The following MYSM1 variants were observed in gnomAD, a reference collection of about 807,000 sequenced individuals.
MYSM1 encodes deubiquitinase MYSM1.
In MYSM1, 51 loss-of-function variants were observed where a neutral mutation model predicts 116.0. The observed-to-expected ratio is 0.44, with a 90% CI of 0.35 to 0.56. MYSM1 has a LOEUF of 0.56. MYSM1 is among the 20% of genes least tolerant of loss of function. The pLI, the probability that MYSM1 is intolerant of heterozygous loss-of-function variation, is 0.00. For missense variants in MYSM1, 900 were observed against 974.9 expected (o/e 0.92, Z 1.02); for synonymous variants, 313 against 315.2 (o/e 0.99, Z 0.07).
In MYSM1 at chr1:58,696,921, G is replaced by C. The variant is rs976807505; in HGVS notation, c.69-1714C>G. Among the ~76,000 whole-genome samples the C allele has an allele frequency of 3.9e-5, 6 of 152,312 alleles. No individual in the cohort carries two copies. In the East Asian group the frequency reaches 5.8e-4, roughly 15 times the overall value. ...ATTTTATCAAAAAACCAACTGGGGA[G>C]TGAAGAGAATAATATGATCAGATCT... is the stretch of plus-strand genomic sequence containing the variant. On this transcript the variant is annotated intron_variant, in intron 1 of 19. Transcript: ENST00000472487.
intron 17 of MYSM1, among the ~76,000 whole-genome samples, chr1:58,664,938 C>T (rs1644445807): frequency 6.6e-6 from 1 of 152,190 alleles, no homozygotes; most frequent in Admixed American, 6.5e-5. Flanking sequence ...GTCTGCTATA[C>T]TAACTCCCTA....
In MYSM1 at chr1:58,699,633, G is replaced by C. The variant is rs1219953243; in HGVS notation, c.68+352C>G. On this transcript the variant is annotated intron_variant, in intron 1 of 19. Coordinates refer to ENST00000472487, the MANE Select transcript of MYSM1 (RefSeq NM_001085487.3). ...ACAAGAGTCCCTGACCTCAGGTCTC[G>C]TCCGTAGCCGCTCTTGTTCTAGTTA... 4.1e-6 allele frequency: 4 copies of C among 985,268 alleles called. No homozygotes were observed. The African/African-American group carries it at 7.0e-5, about 17-fold the overall frequency. The allele number at this position is 985,268 out of a possible 1,614,324, so 61.0% of individuals were successfully genotyped here.
chr1:58,680,993 T>C (rs570159950), intron 8 of MYSM1, among the ~76,000 whole-genome samples: 82 of 151,882 alleles, frequency 5.4e-4, no homozygotes, highest in Non-Finnish European at 9.9e-4. Flanking sequence ...AGCTAATATA[T>C]ATATATAGTT....
At position 58,681,951 on chromosome 1, in the gene MYSM1, C is replaced by T; in HGVS notation, c.1093G>A (p.Glu365Lys). The T allele has an allele frequency of 6.2e-7, 1 of 1,614,096 alleles. No individual in the cohort carries two copies. The highest frequency in any genetic ancestry group is 8.5e-7 in the Non-Finnish European group (1 of 1,180,020). Residue 365 changes from glutamate to lysine, a missense_variant, in exon 8 of 20, where the codon GAA becomes AAA. This residue lies in a region of MYSM1 where 622 missense variants were observed against 623.7 expected (regional missense o/e 1.00). Transcript: ENST00000472487. ...MLFHSCQMVE[E>K]SHEEEELKPP... is the part of the protein sequence containing the mutation. Reference sequence around the variant, plus strand: ...TTAAGCTCTTCTTCCTCATGGCTTTCCTCTACCATTTGGCAAGAATGAAAA... The same window carrying T: ...TTAAGCTCTTCTTCCTCATGGCTTTTCTCTACCATTTGGCAAGAATGAAAA...
chr1:58,699,849 A>C, intron 1 of MYSM1, 136 bp downstream of exon 1: 2 of 1,441,908 alleles, frequency 1.4e-6, no homozygotes, highest in South Asian at 2.9e-5. Context: ...GGTGCCTCCC[A>C]GGCCAACAAG....
At chr1:58,661,582 T>C in intron 17 of MYSM1, 71 bp from the exon 18 acceptor site, 1 of 847,994 alleles carries the variant, frequency 1.2e-6, no homozygotes, top group East Asian at 2.5e-5. Context: ...TAATTATACT[T>C]AAAATTCCCT....
chr1:58,666,967 G>T, intron 16 of MYSM1, 71 bp downstream of exon 16: 1 of 680,386 alleles, frequency 1.5e-6, no homozygotes, highest in Non-Finnish European at 2.2e-6. Context: ...AATGTTTAAA[G>T]TTTATCTATT....
chr1:58,663,017 T>C (rs1289726945), intron 17 of MYSM1, among the ~76,000 whole-genome samples: 1 of 152,170 alleles, frequency 6.6e-6, no homozygotes, highest in African/African-American at 2.4e-5. Context: ...TGACACACCT[T>C]ACAACCATAT....
At chr1:58,660,673 A>G (rs1644377787) in intron 19 of MYSM1, among the ~76,000 whole-genome samples, 1 of 152,120 alleles carries the variant, frequency 6.6e-6, no homozygotes, top group Non-Finnish European at 1.5e-5. Context: ...TCTATCCCCA[A>G]TTGCTATTTA....
intron 3 of MYSM1, 107 bp downstream of exon 3, chr1:58,692,754 G>A: frequency 1.4e-6 from 1 of 710,344 alleles, no homozygotes. Context: ...TAGCAGTCTG[G>A]TGCTGTATAA....
chr1:58,690,607 G>A (rs549579364), intron 3 of MYSM1, among the ~76,000 whole-genome samples, 190 bp from the exon 4 acceptor site: 1 of 151,900 alleles, frequency 6.6e-6, no homozygotes, highest in East Asian at 1.9e-4. Context: ...GCTACATGTG[G>A]CCCAGGACGG....
At chr1:58,672,466 CAAT>C (rs941452664) in intron 11 of MYSM1, among the ~76,000 whole-genome samples, 2 of 151,980 alleles carry the variant, frequency 1.3e-5, no homozygotes, top group Non-Finnish European at 2.9e-5. Flanking sequence ...AAAAAGTAAA[CAAT>C]AATACCACTG....
rs767663219 is a variant in MYSM1 at position 58,682,339 on chromosome 1, T to C, written c.705A>G (p.Gln235=). The change falls in exon 8 of 20, where the codon CAA becomes CAG. Residue 235 remains glutamine (Q), a synonymous_variant. Coordinates refer to ENST00000472487, the MANE Select transcript of MYSM1 (RefSeq NM_001085487.3). ...ITDEVDELSS[Q]TPQKNSSSDL... ...CACTGCTAGAATTCTTCTGGGGTGT[T>C]TGAGAAGACAACTCGTCCACCTCAT... 14 of 1,614,112 alleles carry C rather than the reference T, an allele frequency of 8.7e-6. No individual in the cohort carries two copies. The highest frequency in any genetic ancestry group is 4.4e-5 in the South Asian group (4 of 91,076).
chr1:58,682,354 G>A lies in MYSM1; in HGVS notation c.690C>T (p.Asp230=), dbSNP rs200772834. 2.2e-5 allele frequency: 35 copies of A among 1,614,044 alleles called. No individual in the cohort carries two copies. The highest frequency in any genetic ancestry group is 7.7e-5 in the South Asian group (7 of 91,080). Residue 230 remains aspartate (D), a synonymous_variant, in exon 8 of 20, where the codon GAC becomes GAT. Transcript: ENST00000472487. ...DEEVDITDEV[D]ELSSQTPQKN... ...TCTGGGGTGTTTGAGAAGACAACTC[G>A]TCCACCTCATCTGTGATGTCTACTT...
intron 12 of MYSM1, 140 bp from the exon 13 acceptor site, chr1:58,669,178 C>A: frequency 1.7e-6 from 1 of 605,622 alleles, no homozygotes; most frequent in Non-Finnish European, 2.8e-6. Context: ...ATTCCATAAA[C>A]CCTTTCGAAA....
At chr1:58,686,456 A>ACT (rs1455361763) in intron 6 of MYSM1, among the ~76,000 whole-genome samples, 1 of 152,228 alleles carries the variant, frequency 6.6e-6, no homozygotes, top group Non-Finnish European at 1.5e-5. Context: ...CAACTTAGGA[A>ACT]AAGTTTTGTC....
Position 58,660,274 on chromosome 1 carries a change from CT to C in MYSM1, c.2329-120del, listed in dbSNP as rs1644371940. ...TCCTAATGCTCAAATGAGAAACACT[CT>C]CCTTAAAAATGGTTGAAGATTAACT... On this transcript the variant is annotated intron_variant, in intron 19 of 19. Transcript: ENST00000472487. 7.1e-6 allele frequency: 4 copies of C among 565,686 alleles called. No homozygotes were observed. The East Asian group carries it at 1.3e-4, about 18-fold the overall frequency. The allele number at this position is 565,686 out of a possible 1,614,324, so 35.0% of individuals were successfully genotyped here.
chr1:58,676,789 A>G, intron 9 of MYSM1, 137 bp downstream of exon 9: 1 of 826,500 alleles, frequency 1.2e-6, no homozygotes, highest in Non-Finnish European at 1.7e-6. Context: ...TTAATAAAAC[A>G]TTTATTAAAT....
chr1:58,686,244 T>C (rs763557193), intron 6 of MYSM1, among the ~76,000 whole-genome samples: 2 of 151,740 alleles, frequency 1.3e-5, no homozygotes, highest in Non-Finnish European at 2.9e-5. Flanking sequence ...TTGAGGGAGC[T>C]CCTGTGTGTT....
Sources: allele counts gnomAD v4.1 joint callset (sites outside exome capture counted in the v4.1 genomes callset), GRCh38; gene constraint gnomAD v4.1.1; regional missense constraint gnomAD v4.1.1; transcripts MANE v1.5; gene names NCBI Gene and HGNC (gene_info 2026-07-23, HGNC 2026-07-21).